The following PLS3 variants were observed in gnomAD, a reference collection of about 807,000 sequenced individuals.
PLS3 encodes plastin-3.
A neutral mutation model predicts 46.5 loss-of-function variants in PLS3; 11 were observed. The ratio of observed to expected loss-of-function variants is 0.24; its 90% confidence interval spans 0.15 to 0.39. PLS3 has a LOEUF of 0.39. Among genes scored for constraint, PLS3 ranks in the 10% least tolerant of loss-of-function variants. The probability of loss-of-function intolerance (pLI) is 1.00; values close to 1 mark genes in which losing one functional copy is unlikely to be tolerated. For synonymous variants in PLS3, 167 were observed against 162.2 expected, an observed-to-expected ratio of 1.03 and a Z score of -0.22; for missense variants, 308 against 461.8, an observed-to-expected ratio of 0.67 and a Z score of 3.05.
At chrX:115,562,884 A>AG (rs2074149034) in intron 1 of PLS3, among the ~76,000 whole-genome samples, 1 of 110,728 alleles carries the variant, frequency 9.0e-6, no homozygotes, top group Non-Finnish European at 1.9e-5. Context: ...TAATCAAGGA[A>AG]GTCTACTAGG....
At chrX:115,603,177 A>G (rs188651547) in intron 1 of PLS3, among the ~76,000 whole-genome samples, 29 of 111,724 alleles carry the variant, frequency 2.6e-4, no homozygotes, top group East Asian at 1.4e-3. Flanking sequence ...TAATTGCAGT[A>G]TTGTTAGTCA....
At chrX:115,577,360 A>G (rs1380383505) in intron 1 of PLS3, among the ~76,000 whole-genome samples, 2 of 112,040 alleles carry the variant, frequency 1.8e-5, no homozygotes, top group Non-Finnish European at 3.8e-5. Flanking sequence ...CATGCTGACA[A>G]AACTTCAATC....
chrX:115,571,523 A>G (rs1166721157), intron 1 of PLS3, among the ~76,000 whole-genome samples: 7 of 110,291 alleles, frequency 6.3e-5, no homozygotes, highest in African/African-American at 1.3e-4. Flanking sequence ...GGAAAAAAAA[A>G]AAAAAGAAAA....
At chrX:115,637,009 G>A in intron 8 of PLS3, 31 bp downstream of exon 8, 3 of 1,175,378 alleles carry the variant, frequency 2.6e-6, no homozygotes, top group Non-Finnish European at 3.5e-6. Flanking sequence ...AACATTTTGG[G>A]GGGATATAAT....
chrX:115,601,312 A>G (rs1350408638), intron 1 of PLS3, among the ~76,000 whole-genome samples: 1 of 110,499 alleles, frequency 9.0e-6, no homozygotes, highest in Middle Eastern at 4.2e-3. Flanking sequence ...AAGTCAAGTC[A>G]GAAAAGTGTA....
At chrX:115,575,448 A>T (rs55876363) in intron 1 of PLS3, among the ~76,000 whole-genome samples, 9,065 of 110,651 alleles carry the variant, frequency 0.082, 916 homozygotes, top group African/African-American at 0.28. Context: ...TTTTTTTGTT[A>T]TTTTTTGTTC....
chrX:115,624,655 A>C (rs185358302), intron 3 of PLS3, among the ~76,000 whole-genome samples: 166 of 112,302 alleles, frequency 1.5e-3, no homozygotes, highest in African/African-American at 5.1e-3. Flanking sequence ...TTAATTTTGT[A>C]GATTTTGAAA....
chrX:115,634,853 G>A (rs782488317), intron 6 of PLS3, 28 bp from the exon 7 acceptor site: 3 of 1,187,810 alleles, frequency 2.5e-6, no homozygotes, highest in Non-Finnish European at 3.4e-6. Context: ...AGGTCAAGAA[G>A]CAAGTGTGTA....
intron 1 of PLS3, among the ~76,000 whole-genome samples, chrX:115,563,746 C>G (rs1603212868): frequency 9.0e-6 from 1 of 111,701 alleles, no homozygotes; most frequent in Non-Finnish European, 1.9e-5. Flanking sequence ...ACTAGAACAA[C>G]CTTAAAGCAC....
At chrX:115,629,424 T>C in intron 4 of PLS3, 97 bp downstream of exon 4, 2 of 727,832 alleles carry the variant, frequency 2.7e-6, no homozygotes, top group Non-Finnish European at 4.1e-6. Context: ...ACCTTCTAAT[T>C]AAGAATACAG....
chrX:115,598,635 G>A (rs2074412150), intron 1 of PLS3, among the ~76,000 whole-genome samples: 1 of 112,018 alleles, frequency 8.9e-6, no homozygotes, highest in Non-Finnish European at 1.9e-5. Flanking sequence ...ATTTTTAAAT[G>A]AAAAGTAAAT....
intron 5 of PLS3, among the ~76,000 whole-genome samples, chrX:115,631,020 CAT>C (rs1265201554): frequency 4.3e-5 from 4 of 93,283 alleles, no homozygotes; most frequent in African/African-American, 1.3e-4. Context: ...ATATATTATA[CAT>C]ATATGTTATA....
At chrX:115,571,141 C>T (rs1306885417) in intron 1 of PLS3, among the ~76,000 whole-genome samples, 2 of 110,933 alleles carry the variant, frequency 1.8e-5, no homozygotes, top group Non-Finnish European at 3.8e-5. Context: ...TGACCACCCA[C>T]CTCGGCCTCC....
Position 115,608,247 on chromosome X carries a change from ACTT to A in PLS3, c.-8-1992_-8-1990del, listed in dbSNP as rs1265551844. ...CCTACCTCTCTATACTGAGTGTTAC[ACTT>A]CTTGGCCAAAACATAAGTTGGTGAG... On this transcript the variant is annotated intron_variant, in intron 1 of 15. Transcript: ENST00000355899. Among the ~76,000 whole-genome samples the A allele has an allele frequency of 1.5e-4, 17 of 111,684 alleles. No homozygotes were observed. The Admixed American group carries it at 1.6e-3, about 11-fold the overall frequency.
At chrX:115,605,169 A>G (rs1306150215) in intron 1 of PLS3, among the ~76,000 whole-genome samples, 3 of 111,912 alleles carry the variant, frequency 2.7e-5, no homozygotes, top group East Asian at 5.6e-4. Flanking sequence ...GCATTAAACT[A>G]TTCTGTTATC....
intron 1 of PLS3, among the ~76,000 whole-genome samples, chrX:115,608,105 ATT>A (rs2074512330): frequency 8.9e-6 from 1 of 111,908 alleles, no homozygotes; most frequent in African/African-American, 3.3e-5. Context: ...GTTCTGTTTT[ATT>A]GAGTGCCTTA....
chrX:115,612,026 G>C (rs2074552992), intron 2 of PLS3, among the ~76,000 whole-genome samples: 1 of 111,450 alleles, frequency 9.0e-6, no homozygotes, highest in Admixed American at 9.5e-5. Flanking sequence ...AAGAATTCTG[G>C]AATCCAGAAT....
At chrX:115,641,749 C>T (rs781901077) in intron 9 of PLS3, among the ~76,000 whole-genome samples, 462 of 110,679 alleles carry the variant, frequency 4.2e-3, no homozygotes, top group Non-Finnish European at 6.2e-3. Flanking sequence ...TCTGATACAC[C>T]CCTTCTCTAG....
In PLS3 at chrX:115,629,826, T is replaced by C; in HGVS notation, c.368-9T>C. 2.8e-6 allele frequency: 3 copies of C among 1,069,860 alleles called. No homozygotes were observed. Among genetic ancestry groups the C allele is most frequent in the Non-Finnish European group, 2.6e-6 (2 of 777,073 alleles). 88.2% of individuals were successfully genotyped at this position (1,069,860 alleles called of 1,213,427 possible). On this transcript the variant is annotated splice_polypyrimidine_tract_variant and intron_variant, in intron 4 of 15. Transcript: ENST00000355899. ...TGAACTAATGTCTTGTTATTTAACA[T>C]AATTTTAGAGGAAGAAAAATATGCT...
Sources: allele counts gnomAD v4.1 joint callset (sites outside exome capture counted in the v4.1 genomes callset), GRCh38; gene constraint gnomAD v4.1.1; transcripts MANE v1.5; gene names NCBI Gene and HGNC (gene_info 2026-07-23, HGNC 2026-07-21).